Variants in SGCZ observed in about 807,000 individuals in gnomAD.
The protein encoded by SGCZ is sarcoglycan zeta.
SGCZ carries 40 observed loss-of-function variants against 41.3 expected under a neutral mutation model. The ratio of observed to expected loss-of-function variants is 0.97; its 90% CI spans 0.75 to 1.26. The LOEUF is 1.26. SGCZ is among the 50% of genes most tolerant of loss of function. SGCZ has a pLI of 0.00. For synonymous variants in SGCZ, 206 were observed against 137.5 expected, an observed-to-expected ratio of 1.50 and a Z score of -3.49; for missense variants, 552 against 369.8, an observed-to-expected ratio of 1.49 and a Z score of -4.04.
chr8:14,268,961 T>G (rs1409966543), intron 3 of SGCZ, among the ~76,000 whole-genome samples: 1 of 151,778 alleles, frequency 6.6e-6, no homozygotes, highest in East Asian at 1.9e-4. Flanking sequence ...TAAGTGCCAT[T>G]ACAGGCTAGC....
intron 2 of SGCZ, among the ~76,000 whole-genome samples, chr8:14,480,430 A>T (rs1801503921): frequency 6.6e-6 from 1 of 152,054 alleles, no homozygotes; most frequent in South Asian, 2.1e-4. Flanking sequence ...TCTCCCCACA[A>T]AATTTGAAGT....
intron 4 of SGCZ, among the ~76,000 whole-genome samples, chr8:14,203,114 G>A (rs1227879923): frequency 6.6e-6 from 1 of 152,190 alleles, no homozygotes; most frequent in Non-Finnish European, 1.5e-5. Flanking sequence ...CCCCAGCCAT[G>A]TGGAACTGTA....
intron 5 of SGCZ, among the ~76,000 whole-genome samples, chr8:14,140,703 C>T (rs749448391): frequency 8.5e-5 from 13 of 152,162 alleles, no homozygotes; most frequent in Non-Finnish European, 1.9e-4. Flanking sequence ...ATTCCATGCT[C>T]ATGGATAGGA....
intron 1 of SGCZ, among the ~76,000 whole-genome samples, chr8:15,119,598 G>A (rs1807403895): frequency 6.7e-6 from 1 of 148,434 alleles, no homozygotes; most frequent in Admixed American, 6.6e-5. Flanking sequence ...CATAAAATCG[G>A]GTCAGAGTGT....
intron 1 of SGCZ, among the ~76,000 whole-genome samples, chr8:15,003,876 G>A (rs1320300683): frequency 3.3e-5 from 5 of 152,094 alleles, no homozygotes; most frequent in African/African-American, 9.7e-5. Context: ...TTCTAATTTA[G>A]AAACCCTACC....
rs766874015 is a variant in SGCZ at position 14,614,044 on chromosome 8, G to C, written c.40-59118C>G. 2.0e-5 allele frequency among the ~76,000 whole-genome samples: 3 copies of C among 152,152 alleles called. No homozygotes were observed. The East Asian group carries it at 5.8e-4, about 29-fold the overall frequency. ...GCACTGCCTTCAGTGAGTACAGGCC[G>C]CTCACACTCATTTGAAAGCATACTG... On this transcript the variant is annotated intron_variant, in intron 1 of 7. Coordinates refer to ENST00000382080, the MANE Select transcript of SGCZ (RefSeq NM_139167.4).
At chr8:14,143,714 G>C (rs997979156) in intron 5 of SGCZ, among the ~76,000 whole-genome samples, 1 of 152,110 alleles carries the variant, frequency 6.6e-6, no homozygotes, top group African/African-American at 2.4e-5. Flanking sequence ...AACTGTGTAT[G>C]GCTGAAAGAG....
chr8:14,874,507 C>G (rs1371509430), intron 1 of SGCZ, among the ~76,000 whole-genome samples: 1 of 151,906 alleles, frequency 6.6e-6, no homozygotes, highest in African/African-American at 2.4e-5. Flanking sequence ...TTTATCAAAC[C>G]CACATAAATA....
chr8:14,186,504 G>T (rs1804905656), intron 4 of SGCZ, among the ~76,000 whole-genome samples: 1 of 152,134 alleles, frequency 6.6e-6, no homozygotes, highest in Admixed American at 6.5e-5. Flanking sequence ...TTCATAGGAT[G>T]GAGGGTCCAG....
intron 2 of SGCZ, among the ~76,000 whole-genome samples, chr8:14,539,599 A>G (rs959240388): frequency 1.3e-5 from 2 of 151,912 alleles, no homozygotes; most frequent in Non-Finnish European, 2.9e-5. Flanking sequence ...TTACATAGGT[A>G]AACTTGTGTC....
chr8:14,378,971 G>A lies in SGCZ; in HGVS notation c.235-54767C>T, dbSNP rs573149578. ...GAAAAGTTAAAAATTAAGAATTAAT[G>A]GATGCTTTCTTACGTAATATAATAC... On this transcript the variant is annotated intron_variant, in intron 2 of 7. Coordinates refer to ENST00000382080, the MANE Select transcript of SGCZ (RefSeq NM_139167.4). Among the ~76,000 whole-genome samples, 5 of 152,156 alleles carry A rather than the reference G, an allele frequency of 3.3e-5. No individual in the cohort carries two copies. In the South Asian group the frequency reaches 8.3e-4, roughly 25 times the overall value.
At chr8:14,294,512 G>C (rs530958767) in intron 3 of SGCZ, among the ~76,000 whole-genome samples, 4 of 151,922 alleles carry the variant, frequency 2.6e-5, no homozygotes, top group African/African-American at 9.6e-5. Context: ...AATTTTTTTA[G>C]ATACAGTACC....
chr8:14,144,280 C>T (rs1368796816), intron 5 of SGCZ, among the ~76,000 whole-genome samples: 4 of 152,098 alleles, frequency 2.6e-5, no homozygotes, highest in African/African-American at 9.7e-5. Flanking sequence ...TCTTGGATAC[C>T]AGCTTAGTCA....
intron 1 of SGCZ, among the ~76,000 whole-genome samples, chr8:14,939,037 G>A (rs952740987): frequency 1.3e-5 from 2 of 152,250 alleles, no homozygotes; most frequent in East Asian, 1.9e-4. Context: ...ACTCCATGGA[G>A]TAGTCAGAGG....
intron 2 of SGCZ, among the ~76,000 whole-genome samples, chr8:14,358,822 G>A (rs1244151448): frequency 6.6e-6 from 1 of 151,966 alleles, no homozygotes; most frequent in African/African-American, 2.4e-5. Flanking sequence ...TCTTGGCCAG[G>A]CTGGTCTTGA....
intron 4 of SGCZ, among the ~76,000 whole-genome samples, chr8:14,215,793 C>T (rs1464832507): frequency 2.0e-5 from 3 of 152,146 alleles, no homozygotes; most frequent in South Asian, 2.1e-4. Context: ...ATAAAACAAA[C>T]GAAAAAGACC....
At chr8:15,097,797 CGTGTATATATATATATACGTGT>C in intron 1 of SGCZ, among the ~76,000 whole-genome samples, 1 of 108,706 alleles carries the variant, frequency 9.2e-6, no homozygotes, top group African/African-American at 4.6e-5. Flanking sequence ...TATATATATA[CGTGTATATATATATATACGTGT>C]GTGTATATAT....
rs567026271 is a variant in SGCZ, at chr8:15,123,725, T to C, written c.39+113860A>G. Among the ~76,000 whole-genome samples, 10 of 152,332 alleles carry C rather than the reference T, an allele frequency of 6.6e-5. No homozygotes were observed. The South Asian group carries it at 2.1e-3, about 32-fold the overall frequency. On this transcript the variant is annotated intron_variant, in intron 1 of 7. Transcript: ENST00000382080. ...AGGGTGAACAAGGCACCTACCCTTA[T>C]ACTTTCTCCCTAATGTGTGGAAATC...
intron 1 of SGCZ, among the ~76,000 whole-genome samples, chr8:14,570,088 T>G (rs62498433): frequency 0.039 from 5,883 of 152,180 alleles, 165 homozygotes; most frequent in Middle Eastern, 0.061. Flanking sequence ...AAATGAAATA[T>G]TTATCTGTTG....
Sources: allele counts gnomAD v4.1 joint callset (sites outside exome capture counted in the v4.1 genomes callset), GRCh38; gene constraint gnomAD v4.1.1; transcripts MANE v1.5; gene names NCBI Gene and HGNC (gene_info 2026-07-23, HGNC 2026-07-21).